Variants in ACBD5 observed in about 807,000 individuals in gnomAD.
ACBD5 encodes the protein acyl-CoA-binding domain-containing protein 5.
In ACBD5, 40 loss-of-function variants were observed where a neutral mutation model predicts 71.8. The observed-to-expected ratio is 0.56, with a 90% confidence interval of 0.43 to 0.72. ACBD5 has a LOEUF of 0.72. ACBD5 is among the 30% of genes least tolerant of loss of function. The probability of loss-of-function intolerance (pLI) is 0.00; values close to 1 mark genes in which losing one functional copy is unlikely to be tolerated. For missense variants in ACBD5, 559 were observed against 644.5 expected (o/e 0.87, Z 1.44); for synonymous variants, 229 against 218.6 (o/e 1.05, Z -0.42).
intron 9 of ACBD5, among the ~76,000 whole-genome samples, chr10:27,209,386 T>C (rs989150639): frequency 2.6e-5 from 4 of 152,090 alleles, no homozygotes; most frequent in Non-Finnish European, 5.9e-5. Context: ...CAGGCTGGAG[T>C]GCAATGGCTC....
intron 13 of ACBD5, among the ~76,000 whole-genome samples, chr10:27,184,565 T>TTTTC (rs2058545026): frequency 7.3e-6 from 1 of 136,722 alleles, no homozygotes; most frequent in Non-Finnish European, 1.6e-5. Context: ...TTTTTTTTTT[T>TTTTC]TTTTTTTTTT....
At chr10:27,194,612 AAATAATAATAAT>A (rs60916474), downstream of ACBD5, among the ~76,000 whole-genome samples, 9 of 135,592 alleles carry the variant, frequency 6.6e-5, no homozygotes, top group East Asian at 2.1e-4. Context: ...ACTCCATCTC[AAATAATAATAAT>A]AATAATAATA....
At chr10:27,237,328 A>C (rs1392262953) in intron 2 of ACBD5, among the ~76,000 whole-genome samples, 2 of 152,174 alleles carry the variant, frequency 1.3e-5, no homozygotes, top group African/African-American at 4.8e-5. Flanking sequence ...ATGTATTTGA[A>C]ATATTAGCTA....
downstream of ACBD5, among the ~76,000 whole-genome samples, chr10:27,193,934 T>C (rs150861397): frequency 6.6e-5 from 10 of 152,262 alleles, no homozygotes; most frequent in African/African-American, 2.2e-4. Flanking sequence ...CTGTAGAAGT[T>C]ACAAGTCATA....
Position 27,235,164 on chromosome 10 carries a change from T to C in ACBD5, c.230A>G (p.Tyr77Cys). Residue 77 changes from tyrosine (Y) to cysteine (C), a missense_variant, in exon 3 of 13, where the codon TAT becomes TGT. Tyr to Cys is a radical substitution (Grantham distance 194). Transcript: ENST00000396271. Reference sequence around the variant, plus strand: ...ACAGGGTCCTTCAGTTGCCTGCTTATAGAAGCTATAAAATTTAAGCATCAT... The same window carrying C: ...ACAGGGTCCTTCAGTTGCCTGCTTACAGAAGCTATAAAATTTAAGCATCAT... ...NEMMLKFYSFYKQATEGPCKL... is the reference protein window; with the variant it reads ...NEMMLKFYSFCKQATEGPCKL... 1 of 1,613,980 alleles carries C rather than the reference T, an allele frequency of 6.2e-7. No homozygotes were observed. Among genetic ancestry groups the C allele is most frequent in the Non-Finnish European group, 8.5e-7 (1 of 1,179,912 alleles).
At chr10:27,189,967 A>C (rs1188404176) in intron 13 of ACBD5, among the ~76,000 whole-genome samples, 2 of 151,644 alleles carry the variant, frequency 1.3e-5, no homozygotes, top group East Asian at 4.0e-4. Context: ...ATCAGTAAAC[A>C]CTTATCTAAA....
chr10:27,239,486 AAGG>A (rs1453541979), intron 2 of ACBD5, among the ~76,000 whole-genome samples: 2 of 152,200 alleles, frequency 1.3e-5, no homozygotes, highest in African/African-American at 4.8e-5. Flanking sequence ...TAAATACAAG[AAGG>A]AGATCAGCCA....
chr10:27,215,121 G>GC (rs1384865616), intron 8 of ACBD5, among the ~76,000 whole-genome samples: 3 of 151,926 alleles, frequency 2.0e-5, no homozygotes, highest in Non-Finnish European at 4.4e-5. Context: ...CCGAGATTGC[G>GC]CCACTGCACT....
At chr10:27,235,244 C>G (rs567629536) in intron 2 of ACBD5, 32 bp from the exon 3 acceptor site, 1 of 1,612,806 alleles carries the variant, frequency 6.2e-7, no homozygotes, top group Admixed American at 1.7e-5. Flanking sequence ...TACAAATCAC[C>G]TGGGGAATAC....
intron 2 of ACBD5, 140 bp from the exon 3 acceptor site, chr10:27,235,352 C>A: frequency 1.8e-6 from 2 of 1,131,242 alleles, no homozygotes; most frequent in Non-Finnish European, 1.3e-6. Flanking sequence ...CTTATAGAAA[C>A]AAAAGTTATG....
chr10:27,224,142 G>T (rs1460259615), intron 4 of ACBD5, among the ~76,000 whole-genome samples: 2 of 151,410 alleles, frequency 1.3e-5, no homozygotes, highest in East Asian at 3.9e-4. Context: ...GCAGGAGGAG[G>T]ATGGCTTGAG....
At chr10:27,234,670 G>A (rs1442942117) in intron 3 of ACBD5, among the ~76,000 whole-genome samples, 2 of 152,160 alleles carry the variant, frequency 1.3e-5, no homozygotes, top group Non-Finnish European at 2.9e-5. Context: ...GGTGGCTCAC[G>A]CCTGTAATCC....
chr10:27,219,255 A>G (rs1010648921), intron 6 of ACBD5, among the ~76,000 whole-genome samples: 7 of 151,946 alleles, frequency 4.6e-5, no homozygotes, highest in African/African-American at 1.7e-4. Flanking sequence ...TGCAGTGAGC[A>G]GCGATCATAC....
intron 10 of ACBD5, among the ~76,000 whole-genome samples, chr10:27,205,879 G>GA (rs969327518): frequency 6.6e-5 from 10 of 151,940 alleles, no homozygotes; most frequent in African/African-American, 2.4e-4. Context: ...AAATTTTAAG[G>GA]AAAAAAGTCC....
At chr10:27,237,957 T>C (rs2368220) in intron 2 of ACBD5, among the ~76,000 whole-genome samples, 1 of 150,294 alleles carries the variant, frequency 6.7e-6, no homozygotes, top group African/African-American at 2.5e-5. Context: ...AATTTAATTT[T>C]ATTTTATTTT....
At chr10:27,234,237 A>G (rs2064321854) in intron 3 of ACBD5, among the ~76,000 whole-genome samples, 3 of 152,296 alleles carry the variant, frequency 2.0e-5, no homozygotes, top group South Asian at 2.1e-4. Context: ...TTTATAGTTT[A>G]TAATTCATTT....
chr10:27,187,287 A>T (rs1313041906), intron 13 of ACBD5, among the ~76,000 whole-genome samples: 1 of 150,882 alleles, frequency 6.6e-6, no homozygotes, highest in Non-Finnish European at 1.5e-5. Flanking sequence ...GCAACAGAAC[A>T]AGACTCCGTC....
chr10:27,235,437 G>T (rs538844744), intron 2 of ACBD5, among the ~76,000 whole-genome samples: 1 of 152,232 alleles, frequency 6.6e-6, no homozygotes, highest in Non-Finnish European at 1.5e-5. Flanking sequence ...GCCTAAGATG[G>T]TTCAATAAAT....
At chr10:27,227,776 G>A (rs1012148358) in intron 4 of ACBD5, among the ~76,000 whole-genome samples, 1 of 152,090 alleles carries the variant, frequency 6.6e-6, no homozygotes, top group East Asian at 1.9e-4. Context: ...GCAATGGTGT[G>A]ATCTCGACTC....
Sources: gnomAD v4.1 joint callset for allele counts (sites outside exome capture counted in the v4.1 genomes callset) on GRCh38, gnomAD v4.1.1 for gene constraint, MANE v1.5 for transcripts, NCBI Gene and HGNC (gene_info 2026-07-23, HGNC 2026-07-21) for gene names.